The following CMYA5 variants were observed in gnomAD, a reference collection of about 807,000 sequenced individuals.
CMYA5 encodes cardiomyopathy-associated protein 5.
CMYA5 carries 246 observed loss-of-function variants against 318.9 expected under a neutral mutation model. The observed-to-expected ratio is 0.77, with a 90% CI of 0.70 to 0.86. The LOEUF is 0.86. CMYA5 is among the 40% of genes least tolerant of loss of function. The pLI is 0.00. For synonymous variants in CMYA5, 1,641 were observed against 1,729.5 expected (o/e 0.95, Z 1.27); for missense variants, 4,589 against 4,678.2 (o/e 0.98, Z 0.56).
At position 79,736,734 on chromosome 5, in the gene CMYA5, C is replaced by A; in HGVS notation, c.7969C>A (p.Leu2657Ile). Residue 2657 changes from leucine to isoleucine, a missense_variant, in exon 2 of 13, where the codon CTA (leucine) becomes ATA (isoleucine). By Grantham distance (5) the Leu-to-Ile change is conservative. This residue lies in a region of CMYA5 where 2,431 missense variants were observed against 2,495.1 expected (regional missense o/e 0.97). Coordinates refer to ENST00000446378, the MANE Select transcript of CMYA5 (RefSeq NM_153610.5). The stretch of plus-strand genomic sequence containing the variant: ...CCACTCTTTATCTCAGGAAGGAAAT[C>A]TAGTATTAGAAAAGTCAAGCAGAGA... ...ENHSLSQEGNLVLEKSSRDMP... is the reference protein window; with the variant it reads ...ENHSLSQEGNIVLEKSSRDMP... 1 of 1,612,648 alleles carries A rather than the reference C, an allele frequency of 6.2e-7. No individual in the cohort carries two copies.
In CMYA5 at chr5:79,733,960, T is replaced by C; in HGVS notation, c.5195T>C (p.Val1732Ala). ...SLESKEPPAS[V>A]AEGGNPEEFQ... The stretch of plus-strand genomic sequence containing the variant: ...GAGTCGAAAGAACCACCTGCCTCTG[T>C]AGCTGAAGGAGGCAACCCAGAAGAA... Residue 1732 changes from valine (V) to alanine (A), a missense_variant, in exon 2 of 13, where the codon GTA (valine) becomes GCA (alanine). By Grantham distance (64) the Val-to-Ala change is moderately conservative. Coordinates refer to ENST00000446378, the MANE Select transcript of CMYA5 (RefSeq NM_153610.5). 1.2e-6 allele frequency: 2 copies of C among 1,613,576 alleles called. No homozygotes were observed. Among genetic ancestry groups the C allele is most frequent in the South Asian group, 1.1e-5 (1 of 91,070 alleles).
rs1283197874 is a variant in CMYA5, at chr5:79,735,725, T to C, written c.6960T>C (p.Tyr2320=). The C allele has an allele frequency of 2.5e-6, 4 of 1,597,636 alleles. No homozygotes were observed. Among genetic ancestry groups the C allele is most frequent in the Admixed American group, 3.6e-5 (2 of 55,912 alleles). The change falls in exon 2 of 13, where the codon TAT becomes TAC. Residue 2320 remains tyrosine (Y), a synonymous_variant. Coordinates refer to ENST00000446378, the MANE Select transcript of CMYA5 (RefSeq NM_153610.5). ...ADGENLEIQS[Y]SLIGEKLVME... The stretch of plus-strand genomic sequence containing the variant: ...GTGAGAACCTTGAAATTCAATCTTA[T>C]TCACTAATCGGTGAGAAATTGGTTA...
chr5:79,697,739 A>G (rs1827096715), intron 1 of CMYA5, among the ~76,000 whole-genome samples: 1 of 152,196 alleles, frequency 6.6e-6, no homozygotes, highest in Admixed American at 6.5e-5. Context: ...TATATATATA[A>G]TACACACCTG....
At chr5:79,793,865 A>G (rs987977628) in intron 12 of CMYA5, among the ~76,000 whole-genome samples, 1 of 152,216 alleles carries the variant, frequency 6.6e-6, no homozygotes, top group Non-Finnish European at 1.5e-5. Flanking sequence ...GACTTACCCA[A>G]CCAGAGCCTG....
At position 79,769,074 on chromosome 5, in the gene CMYA5, G is replaced by A. The variant is rs182356159; in HGVS notation, c.11555+5865G>A. 2.0e-4 allele frequency among the ~76,000 whole-genome samples: 31 copies of A among 151,428 alleles called. 1 individual carries two copies. The highest frequency in any genetic ancestry group is 1.6e-3 in the Admixed American group (25 of 15,194). ...TTCAGTCTCTGATAACCTTTCTTCCGCTTGATTAATTTGGCTATTGATACT... is the reference window on the plus strand; with the variant it reads ...TTCAGTCTCTGATAACCTTTCTTCCACTTGATTAATTTGGCTATTGATACT... On this transcript the variant is annotated intron_variant, in intron 9 of 12. Coordinates refer to ENST00000446378, the MANE Select transcript of CMYA5 (RefSeq NM_153610.5).
At chr5:79,763,817 T>C (rs1828701021) in intron 9 of CMYA5, among the ~76,000 whole-genome samples, 2 of 152,276 alleles carry the variant, frequency 1.3e-5, no homozygotes, top group Middle Eastern at 3.4e-3. Flanking sequence ...ACCGAGGTGG[T>C]GTTTTCTTAG....
In CMYA5 at chr5:79,791,087, G is replaced by T. The variant is rs1238853719; in HGVS notation, c.11789+18G>T. The T allele has an allele frequency of 1.9e-6, 3 of 1,576,108 alleles. No individual in the cohort carries two copies. The highest frequency in any genetic ancestry group is 2.6e-6 in the Non-Finnish European group (3 of 1,147,180). Reference sequence around the variant, plus strand: ...CTGACGGAGTAAGTAGAAGAAGAAAGCACAAGTGGGCTGATGGCCCAGCAG... The same window carrying T: ...CTGACGGAGTAAGTAGAAGAAGAAATCACAAGTGGGCTGATGGCCCAGCAG... On this transcript the variant is annotated intron_variant, in intron 11 of 12. Coordinates refer to ENST00000446378, the MANE Select transcript of CMYA5 (RefSeq NM_153610.5).
At chr5:79,693,456 T>A (rs1337573328) in intron 1 of CMYA5, among the ~76,000 whole-genome samples, 1 of 151,562 alleles carries the variant, frequency 6.6e-6, no homozygotes, top group African/African-American at 2.4e-5. Context: ...TCCTCCCATC[T>A]CAGCCTCCTG....
chr5:79,715,297 T>TG (rs1827492526), intron 1 of CMYA5, among the ~76,000 whole-genome samples: 2 of 151,818 alleles, frequency 1.3e-5, no homozygotes, highest in South Asian at 4.2e-4. Flanking sequence ...ATAATAATTT[T>TG]TTTTTTCTGT....
chr5:79,700,657 A>C (rs2060215749), intron 1 of CMYA5, among the ~76,000 whole-genome samples: 1 of 152,220 alleles, frequency 6.6e-6, no homozygotes, highest in Admixed American at 6.5e-5. Context: ...AACAAAGCCT[A>C]AGTGTCTATT....
At chr5:79,759,594 T>C (rs1828606428) in intron 7 of CMYA5, among the ~76,000 whole-genome samples, 1 of 152,226 alleles carries the variant, frequency 6.6e-6, no homozygotes, top group Admixed American at 6.5e-5. Context: ...TAATAAGCCC[T>C]GGAAGCCAGG....
At chr5:79,724,835 C>T (rs1827715151) in intron 1 of CMYA5, among the ~76,000 whole-genome samples, 1 of 152,158 alleles carries the variant, frequency 6.6e-6, no homozygotes, top group African/African-American at 2.4e-5. Context: ...TTGGCTCTGT[C>T]ATTCAACTTT....
chr5:79,708,828 G>A (rs1053603448), intron 1 of CMYA5, among the ~76,000 whole-genome samples: 32 of 152,046 alleles, frequency 2.1e-4, no homozygotes, highest in African/African-American at 5.3e-4. Flanking sequence ...CCAGCTCCTC[G>A]GAGGCTGAGG....
chr5:79,732,322 C>T lies in CMYA5; in HGVS notation c.3557C>T (p.Pro1186Leu). 1 of 1,613,766 alleles carries T rather than the reference C, an allele frequency of 6.2e-7. No individual in the cohort carries two copies. Among genetic ancestry groups the T allele is most frequent in the Middle Eastern group, 1.6e-4 (1 of 6,062 alleles). The change falls in exon 2 of 13, where the codon CCC becomes CTC. Residue 1186 changes from proline to leucine, a missense_variant. Transcript: ENST00000446378. ...CCTGCAATCAAGAAAGAACAGGAAC[C>T]CACAGCAGCACTCACTCTAAAAGCT... ...SVPAIKKEQEPTAALTLKAAD... is the reference protein window; with the variant it reads ...SVPAIKKEQELTAALTLKAAD...
At position 79,732,238 on chromosome 5, in the gene CMYA5, C is replaced by T. The variant is rs1580768595; in HGVS notation, c.3473C>T (p.Ser1158Phe). The T allele has an allele frequency of 6.2e-7, 1 of 1,613,754 alleles. No individual in the cohort carries two copies. Among genetic ancestry groups the T allele is most frequent in the Admixed American group, 1.7e-5 (1 of 59,956 alleles). ...CCTGCTGCTTTACCTGCACAATCAT[C>T]TATAGTAAAGGAAGAAACCAAACCT... ...AIPAALPAQS[S>F]IVKEETKPAS... Residue 1158 changes from serine (S) to phenylalanine (F), a missense_variant, in exon 2 of 13, where the codon TCT becomes TTT. Around this residue, in one of 3 missense-constraint regions of CMYA5, gnomAD observed 2,132 missense variants for 2,131.3 expected, o/e 1.00. Transcript: ENST00000446378.
In CMYA5 at chr5:79,730,958, T is replaced by G. The variant is rs1827881357; in HGVS notation, c.2193T>G (p.Ile731Met). The change falls in exon 2 of 13, where the codon ATT (isoleucine) becomes ATG (methionine). Residue 731 changes from isoleucine (I) to methionine (M), a missense_variant. Transcript: ENST00000446378. ...LILKGVSEYM[I>M]PSEEKEDTGS... ...TGAAAGGTGTTTCTGAGTACATGAT[T>G]CCATCAGAAGAGAAGGAAGACACTG... is the stretch of plus-strand genomic sequence containing the variant. 6.2e-7 allele frequency: 1 copy of G among 1,613,698 alleles called. No individual in the cohort carries two copies. Among genetic ancestry groups the G allele is most frequent in the African/African-American group, 1.3e-5 (1 of 74,832 alleles).
intron 1 of CMYA5, among the ~76,000 whole-genome samples, chr5:79,703,211 T>C (rs1827206548): frequency 6.6e-6 from 1 of 152,234 alleles, no homozygotes; most frequent in Non-Finnish European, 1.5e-5. Flanking sequence ...TCTGTGGATG[T>C]ACAACACTTT....
At position 79,790,261 on chromosome 5, in the gene CMYA5, C is replaced by T. The variant is rs116670494; in HGVS notation, c.11690-709C>T. 7.1e-3 allele frequency among the ~76,000 whole-genome samples: 1,070 copies of T among 149,684 alleles called. 13 individuals are homozygous for T. Among genetic ancestry groups the T allele is most frequent in the African/African-American group, 0.025 (1,025 of 40,956 alleles). On this transcript the variant is annotated intron_variant, in intron 10 of 12. Transcript: ENST00000446378. ...TTAGAGTCTCTCCTTTAGGTTATAT[C>T]GGTGCATCCCCCATTTTTTTTTTTC...
Position 79,789,092 on chromosome 5 carries a change from A to T in CMYA5, c.11677A>T (p.Ile3893Phe). 5 of 1,613,832 alleles carry T rather than the reference A, an allele frequency of 3.1e-6. No homozygotes were observed. The highest frequency in any genetic ancestry group is 4.2e-6 in the Non-Finnish European group (5 of 1,179,808). ...AAGTGAACAGAGTGAAGCTGCTCTCATCTCCACCAGAGGTACTTTCTCCTT... is the reference window on the plus strand; with the variant it reads ...AAGTGAACAGAGTGAAGCTGCTCTCTTCTCCACCAGAGGTACTTTCTCCTT... Reference protein sequence around the residue: ...GTSEQSEAALISTRGTRFLLL... With the variant: ...GTSEQSEAALFSTRGTRFLLL... Residue 3893 changes from isoleucine to phenylalanine, a missense_variant, in exon 10 of 13, where the codon ATC becomes TTC. By Grantham distance (21) the Ile-to-Phe change is conservative (BLOSUM62 0). Coordinates refer to ENST00000446378, the MANE Select transcript of CMYA5 (RefSeq NM_153610.5).
Sources: gnomAD v4.1 joint callset for allele counts (sites outside exome capture counted in the v4.1 genomes callset) on GRCh38, gnomAD v4.1.1 for gene constraint, gnomAD v4.1.1 regional missense constraint, MANE v1.5 for transcripts, NCBI Gene and HGNC (gene_info 2026-07-23, HGNC 2026-07-21) for gene names.